TMTC1: variants seen among roughly 807,000 people sequenced by gnomAD.
TMTC1 encodes transmembrane O-mannosyltransferase targeting cadherins 1.
Under a neutral mutation model 104.8 loss-of-function variants are expected in TMTC1, and 73 were observed. The ratio of observed to expected loss-of-function variants is 0.70; its 90% CI spans 0.58 to 0.85. TMTC1 has a LOEUF of 0.85. Among genes scored for constraint, TMTC1 ranks in the 40% least tolerant of loss-of-function variants. The pLI is 0.00. For synonymous variants in TMTC1, 434 were observed against 428.7 expected (o/e 1.01, Z -0.15); for missense variants, 1,035 against 1,096.1 (o/e 0.94, Z 0.79).
chr12:29,741,838 C>G (rs1444870297), intron 5 of TMTC1, among the ~76,000 whole-genome samples: 1 of 152,196 alleles, frequency 6.6e-6, no homozygotes, highest in Non-Finnish European at 1.5e-5. Flanking sequence ...CCAATTTCGA[C>G]TTATCTGAAT....
chr12:29,612,323 A>T (rs1298716069), intron 6 of TMTC1, among the ~76,000 whole-genome samples: 1 of 152,182 alleles, frequency 6.6e-6, no homozygotes, highest in East Asian at 1.9e-4. Flanking sequence ...ATGCAACAGG[A>T]TCTATGGCAC....
chr12:29,660,624 T>C (rs762691161), intron 5 of TMTC1, among the ~76,000 whole-genome samples: 2 of 152,160 alleles, frequency 1.3e-5, no homozygotes, highest in Non-Finnish European at 2.9e-5. Context: ...TGCTTTCATA[T>C]ATACCTTTGG....
intron 7 of TMTC1, among the ~76,000 whole-genome samples, chr12:29,593,693 T>G (rs1160537610): frequency 4.6e-5 from 7 of 152,200 alleles, no homozygotes; most frequent in Non-Finnish European, 1.5e-5. Context: ...TCCCTACTCT[T>G]CAATGTACAC....
rs552909600 is a variant in TMTC1, at chr12:29,609,175, C to T, written c.1129-4876G>A. Among the ~76,000 whole-genome samples, 14 of 152,192 alleles carry T rather than the reference C, an allele frequency of 9.2e-5. No individual in the cohort carries two copies. In the East Asian group the frequency reaches 2.7e-3, roughly 29 times the overall value. The stretch of plus-strand genomic sequence containing the variant: ...GAAATGGTACATTGCATTTAGGGTA[C>T]AAGTATGTTCACATGATTCTAAGTA... On this transcript the variant is annotated intron_variant, in intron 6 of 17. Coordinates refer to ENST00000539277, the MANE Select transcript of TMTC1 (RefSeq NM_001193451.2).
At chr12:29,650,618 A>T (rs1939472506) in intron 5 of TMTC1, among the ~76,000 whole-genome samples, 1 of 152,234 alleles carries the variant, frequency 6.6e-6, no homozygotes, top group Non-Finnish European at 1.5e-5. Flanking sequence ...AGGAATTCAC[A>T]TGACGGTATA....
chr12:29,513,063 G>T (rs889956776), intron 16 of TMTC1, among the ~76,000 whole-genome samples: 1 of 152,216 alleles, frequency 6.6e-6, no homozygotes, highest in Non-Finnish European at 1.5e-5. Flanking sequence ...CCAAAAGGGT[G>T]TGTCTCTTGG....
At chr12:29,633,098 G>T in intron 6 of TMTC1, 49 bp downstream of exon 6, 1 of 1,536,094 alleles carries the variant, frequency 6.5e-7, no homozygotes, top group Non-Finnish European at 8.9e-7. Flanking sequence ...TATAGGCATA[G>T]AATATCTGTC....
At chr12:29,759,834 A>C (rs1240783365) in intron 2 of TMTC1, among the ~76,000 whole-genome samples, 1 of 152,168 alleles carries the variant, frequency 6.6e-6, no homozygotes, top group Non-Finnish European at 1.5e-5. Flanking sequence ...CCCACCGAAC[A>C]AACTTAAGGC....
chr12:29,664,298 G>A (rs553003313), intron 5 of TMTC1, among the ~76,000 whole-genome samples: 4 of 150,824 alleles, frequency 2.7e-5, no homozygotes, highest in Admixed American at 6.6e-5. Context: ...AGCAGTGGAC[G>A]AAAAAAAAAG....
chr12:29,684,988 T>C (rs1764413099), intron 5 of TMTC1, among the ~76,000 whole-genome samples: 1 of 152,208 alleles, frequency 6.6e-6, no homozygotes, highest in South Asian at 2.1e-4. Flanking sequence ...TTTCAAACAG[T>C]GTGCATTCTA....
chr12:29,710,860 T>G (rs1453697699), intron 5 of TMTC1, among the ~76,000 whole-genome samples: 1 of 136,590 alleles, frequency 7.3e-6, no homozygotes, highest in East Asian at 2.0e-4. Flanking sequence ...TATAAATATA[T>G]TAATTATATT....
At chr12:29,757,634 CT>C (rs1943245826) in intron 3 of TMTC1, among the ~76,000 whole-genome samples, 1 of 152,124 alleles carries the variant, frequency 6.6e-6, no homozygotes, top group Admixed American at 6.6e-5. Context: ...ACTTGCCCCC[CT>C]TTTCCAGGTT....
intron 8 of TMTC1, among the ~76,000 whole-genome samples, chr12:29,579,752 C>T (rs887335899): frequency 6.6e-6 from 1 of 152,136 alleles, no homozygotes; most frequent in East Asian, 1.9e-4. Flanking sequence ...GGTGATCCAC[C>T]TACCAGTTCA....
At chr12:29,697,560 T>C (rs1941461095) in intron 5 of TMTC1, among the ~76,000 whole-genome samples, 1 of 152,066 alleles carries the variant, frequency 6.6e-6, no homozygotes, top group Non-Finnish European at 1.5e-5. Context: ...AATTGGCTCA[T>C]GTGATTATGG....
chr12:29,509,658 T>G (rs1158645218), intron 17 of TMTC1, among the ~76,000 whole-genome samples: 4 of 152,222 alleles, frequency 2.6e-5, no homozygotes, highest in Non-Finnish European at 2.9e-5. Flanking sequence ...TTACATTAGA[T>G]TGAATCACAT....
intron 5 of TMTC1, among the ~76,000 whole-genome samples, chr12:29,733,650 T>G (rs1259023484): frequency 6.6e-6 from 1 of 152,200 alleles, no homozygotes; most frequent in African/African-American, 2.4e-5. Flanking sequence ...TCTGAACACA[T>G]TCTGCCTTGT....
Position 29,536,197 on chromosome 12 carries a change from T to A in TMTC1, c.1785+12A>T. Reference sequence around the variant, plus strand: ...AATAACATTGAAAAAAACTACTGTGTGAAACAATTACCTGCTCAGCCAATA... The same window carrying A: ...AATAACATTGAAAAAAACTACTGTGAGAAACAATTACCTGCTCAGCCAATA... On this transcript the variant is annotated intron_variant, in intron 11 of 17. Transcript: ENST00000539277. 6.4e-7 allele frequency: 1 copy of A among 1,555,364 alleles called. No homozygotes were observed. The highest frequency in any genetic ancestry group is 8.9e-7 in the Non-Finnish European group (1 of 1,127,354).
Position 29,506,670 on chromosome 12 carries a change from G to T in TMTC1, c.*176C>A. The T allele has an allele frequency of 1.4e-6, 1 of 698,806 alleles. No individual in the cohort carries two copies. The highest frequency in any genetic ancestry group is 2.0e-5 in the South Asian group (1 of 49,560). 43.3% of individuals were successfully genotyped at this position (698,806 alleles called of 1,614,324 possible). ...GTTTGCTGTTTTCGTCTTCTTCATG[G>T]AAAAGCAAGTCCTTCAGCACTGGGC... On this transcript the variant is annotated 3_prime_UTR_variant, in exon 18 of 18. Transcript: ENST00000539277.
At chr12:29,578,233 C>T (rs1397812568) in intron 8 of TMTC1, among the ~76,000 whole-genome samples, 1 of 151,984 alleles carries the variant, frequency 6.6e-6, no homozygotes, top group Non-Finnish European at 1.5e-5. Context: ...ATCCTAAGAA[C>T]ACACTGCTTT....
Sources: allele counts gnomAD v4.1 joint callset (sites outside exome capture counted in the v4.1 genomes callset), GRCh38; gene constraint gnomAD v4.1.1; transcripts MANE v1.5; gene names NCBI Gene and HGNC (gene_info 2026-07-23, HGNC 2026-07-21).